The following DHX57 variants were observed in gnomAD, a reference collection of about 807,000 sequenced individuals.
DHX57 encodes the protein putative ATP-dependent RNA helicase DHX57.
In DHX57, 105 loss-of-function variants were observed where a neutral mutation model predicts 156.2. That is an observed-to-expected ratio of 0.67 (90% CI 0.57 to 0.79). The LOEUF (loss-of-function observed/expected upper bound fraction) is 0.79, where lower values mean the gene tolerates loss of function less well. DHX57 is among the 30% of genes least tolerant of loss of function. DHX57 has a pLI of 0.00. For synonymous variants in DHX57, 704 were observed against 595.6 expected (o/e 1.18, Z -2.65); for missense variants, 1,847 against 1,661.9 (o/e 1.11, Z -1.94).
intron 17 of DHX57, among the ~76,000 whole-genome samples, chr2:38,822,525 T>C (rs3099976): frequency 0.92 from 139,354 of 152,108 alleles, 65,141 homozygotes; most frequent in East Asian, 1. Flanking sequence ...TCCCAAGTAG[T>C]TGGGACTACA....
At chr2:38,822,929 T>C (rs1558367757) in intron 17 of DHX57, 64 bp downstream of exon 17, 1 of 1,530,012 alleles carries the variant, frequency 6.5e-7, no homozygotes, top group Non-Finnish European at 8.8e-7. Context: ...ATTTCCCCCA[T>C]GGTCCCCTTA....
intron 19 of DHX57, 142 bp from the exon 20 acceptor site, chr2:38,815,797 G>T: frequency 9.9e-7 from 1 of 1,012,056 alleles, no homozygotes; most frequent in Non-Finnish European, 1.4e-6. Context: ...GGTATGAAGA[G>T]GATCTTGTCT....
chr2:38,840,990 A>G (rs906709106), intron 12 of DHX57, among the ~76,000 whole-genome samples: 4 of 152,174 alleles, frequency 2.6e-5, no homozygotes, highest in Admixed American at 2.6e-4. Flanking sequence ...GGCTAATTTT[A>G]AAAAACATTT....
chr2:38,861,050 G>C lies in DHX57; in HGVS notation c.1360C>G (p.His454Asp). The C allele has an allele frequency of 6.2e-7, 1 of 1,614,070 alleles. No homozygotes were observed. Among genetic ancestry groups the C allele is most frequent in the Non-Finnish European group, 8.5e-7 (1 of 1,179,992 alleles). The change falls in exon 5 of 24, where the codon CAT becomes GAT. Residue 454 changes from histidine to aspartate, a missense_variant. His to Asp is a moderately conservative substitution (Grantham distance 81, BLOSUM62 -1). Transcript: ENST00000457308. ...SRTRINNPAC[H>D]KTVIPNNSFV... is the part of the protein sequence containing the mutation. ...GAATTATTTGGAATCACTGTTTTAT[G>C]ACAGGCAGGATTATTTATTCTGGTC...
At chr2:38,828,225 G>C (rs1321099148) in intron 14 of DHX57, 115 bp downstream of exon 14, 1 of 639,446 alleles carries the variant, frequency 1.6e-6, no homozygotes. Flanking sequence ...TTTCCAGCTG[G>C]CATAAACAAA....
rs142077846 is a variant in DHX57, at chr2:38,815,614, C to T, written c.3513G>A (p.Ser1171=). ...SLKRQFTELL[S]DIGFAREGLR... is the part of the protein sequence containing the mutation. ...GCCCTTCCCTTGCAAACCCTATATC[C>T]GATAACAGTTCCGTGAATTGTCGTT... The change falls in exon 20 of 24, where the codon TCG becomes TCA. Residue 1171 remains serine (S), a synonymous_variant. Transcript: ENST00000457308. 2.1e-4 allele frequency: 331 copies of T among 1,614,128 alleles called. No homozygotes were observed. The highest frequency in any genetic ancestry group is 1.8e-3 in the Middle Eastern group (11 of 6,062).
intron 1 of DHX57, among the ~76,000 whole-genome samples, chr2:38,873,259 G>A (rs1361079600): frequency 6.6e-6 from 1 of 152,138 alleles, no homozygotes; most frequent in African/African-American, 2.4e-5. Flanking sequence ...CCAAAGTGCA[G>A]GGATTACAGG....
chr2:38,861,838 C>T lies in DHX57; in HGVS notation c.573-1G>A. 1 of 1,579,166 alleles carries T rather than the reference C, an allele frequency of 6.3e-7. No individual in the cohort carries two copies. Among genetic ancestry groups the T allele is most frequent in the Non-Finnish European group, 8.6e-7 (1 of 1,163,478 alleles). ...ACAGCGTTCAGTATTGAAACCATAC[C>T]TGTCAAGGGCAAAACATGACAAAAA... On this transcript the variant is annotated splice_acceptor_variant, in intron 4 of 23. Coordinates refer to ENST00000457308, the MANE Select transcript of DHX57 (RefSeq NM_198963.3). LOFTEE classifies it high-confidence loss of function.
Position 38,822,979 on chromosome 2 carries a change from T to C in DHX57, c.3291+14A>G. 6.2e-7 allele frequency: 1 copy of C among 1,612,806 alleles called. No homozygotes were observed. The highest frequency in any genetic ancestry group is 8.5e-7 in the Non-Finnish European group (1 of 1,179,152). Reference sequence around the variant, plus strand: ...TCTTAGAGACTCCAGTTTAGATGAATGTTGTTTACTTACAAACGGAGACTT... The same window carrying C: ...TCTTAGAGACTCCAGTTTAGATGAACGTTGTTTACTTACAAACGGAGACTT... On this transcript the variant is annotated intron_variant, in intron 17 of 23. Transcript: ENST00000457308.
rs1182763280 is a variant in DHX57, at chr2:38,815,727, G to GAT, written c.3472-74_3472-73dup. On this transcript the variant is annotated intron_variant, in intron 19 of 23. Coordinates refer to ENST00000457308, the MANE Select transcript of DHX57 (RefSeq NM_198963.3). The stretch of plus-strand genomic sequence containing the variant: ...AGTGTTAAGTCTTACAAAAATGAGT[G>GAT]ATTATAAAAATGCATTATTTCAGGG... 7 of 1,589,534 alleles carry GAT rather than the reference G, an allele frequency of 4.4e-6. No individual in the cohort carries two copies. The African/African-American group carries it at 9.4e-5, about 21-fold the overall frequency.
intron 12 of DHX57, among the ~76,000 whole-genome samples, chr2:38,841,343 A>G (rs1180423611): frequency 6.6e-6 from 1 of 152,254 alleles, no homozygotes; most frequent in African/African-American, 2.4e-5. Context: ...GAGATGATAA[A>G]GAACTTGCTC....
Position 38,858,808 on chromosome 2 carries a change from T to A in DHX57, c.1440A>T (p.Ser480=), listed in dbSNP as rs760704816. The A allele has an allele frequency of 2.5e-6, 4 of 1,612,488 alleles. No individual in the cohort carries two copies. The highest frequency in any genetic ancestry group is 3.4e-6 in the Non-Finnish European group (4 of 1,179,668). ...CAGGTGCAGGACCGTCATCCTCATC[T>A]GACTCCTCAGATTCTGATGCTTTTT... ...EVEKASESEE[S]DEDDGPAPVI... The change falls in exon 6 of 24, where the codon TCA becomes TCT. Residue 480 remains serine (S), a synonymous_variant. Transcript: ENST00000457308.
chr2:38,863,585 G>C (rs1673354496), intron 2 of DHX57, 66 bp from the exon 3 acceptor site: 1 of 1,507,136 alleles, frequency 6.6e-7, no homozygotes. Context: ...CTCTCCTCAG[G>C]GGTCCCCAGA....
Position 38,826,665 on chromosome 2 carries a change from T to C in DHX57, c.2664A>G (p.Ser888=), listed in dbSNP as rs72911282. Residue 888 remains serine (S), a synonymous_variant, in exon 15 of 24, where the codon TCA becomes TCG. Transcript: ENST00000457308. ...CCTGCTGCTCTTCACTGGATAAAGA[T>C]GAATGAAGTGGGTGAATAACACATC... ...SNRCVIHPLH[S]SLSSEEQQAV... 1,230 of 1,614,032 alleles carry C rather than the reference T, an allele frequency of 7.6e-4. 10 individuals carry two copies. The African/African-American group carries it at 0.014, about 19-fold the overall frequency.
chr2:38,818,761 A>G lies in DHX57; in HGVS notation c.3471+116T>C, dbSNP rs138004782. 200 of 1,214,454 alleles carry G rather than the reference A, an allele frequency of 1.6e-4. 2 individuals carry two copies. In the East Asian group the frequency reaches 3.8e-3, roughly 23 times the overall value. The allele number at this position is 1,214,454 out of a possible 1,614,324, so 75.2% of individuals were successfully genotyped here. Reference sequence around the variant, plus strand: ...TTTTACACGGCTGGTAAGGCCAAACATATTCCAGAAATAACATTTGCAATG... The same window carrying G: ...TTTTACACGGCTGGTAAGGCCAAACGTATTCCAGAAATAACATTTGCAATG... On this transcript the variant is annotated intron_variant, in intron 19 of 23. Coordinates refer to ENST00000457308, the MANE Select transcript of DHX57 (RefSeq NM_198963.3).
rs113785254 is a variant in DHX57 at position 38,863,260 on chromosome 2, A to G, written c.383+101T>C. On this transcript the variant is annotated intron_variant, in intron 3 of 23. Transcript: ENST00000457308. ...ACTTTCAACTAATTAAATGGCCACAATAGAATCAGTACTGACACAGCATTC... is the reference window on the plus strand; with the variant it reads ...ACTTTCAACTAATTAAATGGCCACAGTAGAATCAGTACTGACACAGCATTC... 1.4e-3 allele frequency: 1,687 copies of G among 1,244,686 alleles called. 18 individuals carry two copies. In the African/African-American group the frequency reaches 0.023, roughly 17 times the overall value. The allele number at this position is 1,244,686 out of a possible 1,614,324, so 77.1% of individuals were successfully genotyped here.
At chr2:38,816,060 C>T (rs1558361464) in intron 19 of DHX57, 2 of 462,878 alleles carry the variant, frequency 4.3e-6, no homozygotes, top group Non-Finnish European at 8.9e-6. Flanking sequence ...GCTTTTCCTA[C>T]TTGCATTTTT....
chr2:38,855,006 A>C, intron 8 of DHX57, 51 bp downstream of exon 8: 1 of 1,608,918 alleles, frequency 6.2e-7, no homozygotes, highest in Non-Finnish European at 8.5e-7. Flanking sequence ...AACTTTTTAT[A>C]CCTAAAAACC....
intron 9 of DHX57, among the ~76,000 whole-genome samples, chr2:38,852,065 G>T (rs919641113): frequency 6.6e-6 from 1 of 151,012 alleles, no homozygotes; most frequent in Non-Finnish European, 1.5e-5. Context: ...TTTTCTTTTG[G>T]TTCATTCTTT....
Sources: gnomAD v4.1 joint callset for allele counts (sites outside exome capture counted in the v4.1 genomes callset) on GRCh38, gnomAD v4.1.1 for gene constraint, MANE v1.5 for transcripts, NCBI Gene and HGNC (gene_info 2026-07-23, HGNC 2026-07-21) for gene names.